The following SPNS3 variants were observed in gnomAD, a reference collection of about 807,000 sequenced individuals.
SPNS3 encodes SPNS lysolipid transporter 3, sphingosine-1-phosphate (putative), also known as protein spinster homolog 3.
Under a neutral mutation model 54.4 loss-of-function variants are expected in SPNS3, and 51 were observed. The ratio of observed to expected loss-of-function variants is 0.94; its 90% confidence interval spans 0.75 to 1.18. The LOEUF (loss-of-function observed/expected upper bound fraction) is 1.18. Among genes scored for constraint, SPNS3 ranks in the 50% most tolerant of loss-of-function variants. The pLI is 0.00. For missense variants in SPNS3, 669 were observed against 677.4 expected, an observed-to-expected ratio of 0.99 and a Z score of 0.14; for synonymous variants, 309 against 294.7, an observed-to-expected ratio of 1.05 and a Z score of -0.50.
At chr17:4,458,125 C>T (rs969951772) in intron 8 of SPNS3, among the ~76,000 whole-genome samples, 1 of 152,058 alleles carries the variant, frequency 6.6e-6, no homozygotes, top group African/African-American at 2.4e-5. Flanking sequence ...CCCTTGACCT[C>T]TCCCAGGCCT....
At chr17:4,455,039 A>G (rs11078510) in intron 8 of SPNS3, among the ~76,000 whole-genome samples, 55,047 of 151,496 alleles carry the variant, frequency 0.36, 10,451 homozygotes, top group African/African-American at 0.48. Flanking sequence ...TTAGCCTCCC[A>G]AGTAGCTGGG....
chr17:4,434,672 T>G (rs954357360), intron 1 of SPNS3, among the ~76,000 whole-genome samples: 2 of 151,434 alleles, frequency 1.3e-5, no homozygotes, highest in Non-Finnish European at 2.9e-5. Flanking sequence ...AATTTTTGTA[T>G]TTTGAGTAGA....
At chr17:4,436,490 A>C (rs775057764) in intron 1 of SPNS3, among the ~76,000 whole-genome samples, 6 of 142,364 alleles carry the variant, frequency 4.2e-5, no homozygotes, top group Non-Finnish European at 7.9e-5. Context: ...AGGCTGAAGC[A>C]GGAGGATTGC....
intron 8 of SPNS3, among the ~76,000 whole-genome samples, chr17:4,465,237 C>T (rs939098639): frequency 3.3e-5 from 5 of 152,176 alleles, no homozygotes; most frequent in Non-Finnish European, 7.3e-5. Flanking sequence ...TGTGGCCTCT[C>T]CGTGTGGTCT....
intron 2 of SPNS3, among the ~76,000 whole-genome samples, chr17:4,442,343 G>A (rs374576015): frequency 0.11 from 15,959 of 151,714 alleles, 987 homozygotes; most frequent in African/African-American, 0.18. Context: ...GACCAGCCTG[G>A]CCAACATGGT....
At chr17:4,452,989 C>T in intron 7 of SPNS3, 27 bp from the exon 8 acceptor site, 1 of 1,601,958 alleles carries the variant, frequency 6.2e-7, no homozygotes, top group Non-Finnish European at 8.5e-7. Context: ...CCCAGCTGAC[C>T]AACCCTTCTG....
At chr17:4,451,083 C>T (rs1971151571) in intron 7 of SPNS3, among the ~76,000 whole-genome samples, 1 of 152,066 alleles carries the variant, frequency 6.6e-6, no homozygotes. Context: ...AATAATCAAT[C>T]CTAAGTCTCA....
chr17:4,445,387 T>C (rs1465714792), intron 3 of SPNS3, among the ~76,000 whole-genome samples: 1 of 151,784 alleles, frequency 6.6e-6, no homozygotes, highest in Non-Finnish European at 1.5e-5. Flanking sequence ...TTTTTTTTTT[T>C]TTTTTGAGAC....
At chr17:4,467,083 G>C (rs1971696350) in intron 8 of SPNS3, among the ~76,000 whole-genome samples, 1 of 152,114 alleles carries the variant, frequency 6.6e-6, no homozygotes, top group South Asian at 2.1e-4. Context: ...GAGAATGCAT[G>C]GCTGGTGTGT....
chr17:4,482,367 G>C (rs1252587987), intron 9 of SPNS3: 1 of 152,214 alleles, frequency 6.6e-6, no homozygotes, highest in Non-Finnish European at 1.5e-5. Context: ...GTCTGATTCA[G>C]TGGGTCCGTG....
chr17:4,468,761 C>CTT (rs767888670), intron 8 of SPNS3, among the ~76,000 whole-genome samples: 1,328 of 119,056 alleles, frequency 0.011, 11 homozygotes, highest in Middle Eastern at 0.038. Flanking sequence ...TTCTTTCTTT[C>CTT]TCTCTTTCTT....
At chr17:4,435,533 T>C (rs1479091801) in intron 1 of SPNS3, among the ~76,000 whole-genome samples, 1 of 130,712 alleles carries the variant, frequency 7.7e-6, no homozygotes, top group Non-Finnish European at 1.6e-5. Context: ...GCCAGAGACA[T>C]AATGAGGGGT....
chr17:4,487,243 A>G (rs1205711787), intron 11 of SPNS3, among the ~76,000 whole-genome samples: 1 of 151,264 alleles, frequency 6.6e-6, no homozygotes, highest in Non-Finnish European at 1.5e-5. Context: ...GCGAAACTAG[A>G]GCAAAGATCT....
At chr17:4,459,789 G>A (rs1011800882) in intron 8 of SPNS3, among the ~76,000 whole-genome samples, 2 of 152,158 alleles carry the variant, frequency 1.3e-5, no homozygotes, top group African/African-American at 4.8e-5. Flanking sequence ...TGTCCTGAGA[G>A]AACTTACATT....
chr17:4,482,656 C>T (rs118027555), intron 9 of SPNS3: 2,612 of 152,352 alleles, frequency 0.017, 37 homozygotes, highest in Non-Finnish European at 0.024. Flanking sequence ...CCCTTGGCCC[C>T]GCTGGGCCAT....
intron 9 of SPNS3, among the ~76,000 whole-genome samples, chr17:4,481,179 G>A (rs1426408934): frequency 6.6e-6 from 1 of 151,970 alleles, no homozygotes; most frequent in Non-Finnish European, 1.5e-5. Context: ...TTTCAAGAGG[G>A]GAGGACAGAA....
rs548522017 is a variant in SPNS3, at chr17:4,445,114, C to T, written c.348C>T (p.Phe116=). The change falls in exon 3 of 12, where the codon TTC becomes TTT. Residue 116 remains phenylalanine, a synonymous_variant. Coordinates refer to ENST00000355530, the MANE Select transcript of SPNS3 (RefSeq NM_182538.5). Reference sequence around the variant, plus strand: ...ATAGCCGCAAGGCTACCATGAGCTTCGGTATCTTGCTGTGGTCAGGAGCTG... The same window carrying T: ...ATAGCCGCAAGGCTACCATGAGCTTTGGTATCTTGCTGTGGTCAGGAGCTG... ...DRHSRKATMS[F]GILLWSGAGL... 17 of 1,614,166 alleles carry T rather than the reference C, an allele frequency of 1.1e-5. No individual in the cohort carries two copies. The highest frequency in any genetic ancestry group is 5.0e-5 in the Admixed American group (3 of 60,014).
chr17:4,483,696 G>A lies in SPNS3; in HGVS notation c.1180-2532G>A, dbSNP rs1157170877. On this transcript the variant is annotated intron_variant, in intron 9 of 11. Transcript: ENST00000355530. This position sits in a 1 kb window ranked among gnomAD's most constrained non-coding sequence, Gnocchi z 4.2. Reference sequence around the variant, plus strand: ...AAGTCCTTGGGGAAGGTGCAAAGCTGTTGGTCAGTTCCTTCTCAGGCCTGT... The same window carrying A: ...AAGTCCTTGGGGAAGGTGCAAAGCTATTGGTCAGTTCCTTCTCAGGCCTGT... 6.6e-6 allele frequency: 1 copy of A among 152,256 alleles called. No homozygotes were observed. The highest frequency in any genetic ancestry group is 2.4e-5 in the African/African-American group (1 of 41,440). The allele number at this position is 152,256 out of a possible 1,614,324, so 9.4% of individuals were successfully genotyped here.
At chr17:4,438,897 T>G (rs1467076200) in intron 1 of SPNS3, among the ~76,000 whole-genome samples, 2 of 151,954 alleles carry the variant, frequency 1.3e-5, no homozygotes, top group Non-Finnish European at 2.9e-5. Context: ...TGTGTCTGGG[T>G]GTATGAGTGA....
Sources: gnomAD v4.1 joint callset for allele counts (sites outside exome capture counted in the v4.1 genomes callset) on GRCh38, gnomAD v4.1.1 for gene constraint, Gnocchi (gnomAD v3.1) non-coding constraint, MANE v1.5 for transcripts, NCBI Gene and HGNC (gene_info 2026-07-23, HGNC 2026-07-21) for gene names.